Variants in LRBA observed in about 807,000 individuals in gnomAD.
LRBA encodes lipopolysaccharide-responsive and beige-like anchor protein.
Under a neutral mutation model 330.0 loss-of-function variants are expected in LRBA, and 176 were observed. The observed-to-expected ratio is 0.53, with a 90% CI of 0.47 to 0.60. The LOEUF (loss-of-function observed/expected upper bound fraction) is 0.60, where lower values mean the gene tolerates loss of function less well. Ranked by LOEUF, LRBA falls within the 20% of genes least tolerant of loss-of-function variation. The pLI, the probability that LRBA is intolerant of heterozygous loss-of-function variation, is 0.00. For synonymous variants in LRBA, 1,230 were observed against 1,193.0 expected (o/e 1.03, Z -0.64); for missense variants, 3,259 against 3,444.8 (o/e 0.95, Z 1.35).
chr4:150,597,126 G>C (rs773324651), intron 38 of LRBA: 1 of 1,357,160 alleles, frequency 7.4e-7, no homozygotes, highest in South Asian at 1.3e-5. Flanking sequence ...CTAAAACATA[G>C]ATAATTAACA....
intron 28 of LRBA, among the ~76,000 whole-genome samples, chr4:150,833,223 C>T (rs968119185): frequency 6.6e-6 from 1 of 152,098 alleles, no homozygotes; most frequent in African/African-American, 2.4e-5. Context: ...ACCTATATAT[C>T]ACTGACCTCT....
At chr4:150,733,150 A>C (rs1046769932) in intron 36 of LRBA, among the ~76,000 whole-genome samples, 7 of 152,018 alleles carry the variant, frequency 4.6e-5, no homozygotes, top group Non-Finnish European at 1.0e-4. Flanking sequence ...TTACATACTG[A>C]CTTGAGAAAA....
At chr4:150,397,018 A>T (rs1244697389) in intron 47 of LRBA, among the ~76,000 whole-genome samples, 1 of 152,172 alleles carries the variant, frequency 6.6e-6, no homozygotes, top group Non-Finnish European at 1.5e-5. Flanking sequence ...TTGAAAAGCA[A>T]CGGAAAGAGA....
chr4:150,717,604 G>A (rs888244312), intron 36 of LRBA, among the ~76,000 whole-genome samples: 2 of 150,698 alleles, frequency 1.3e-5, no homozygotes, highest in Admixed American at 1.3e-4. Context: ...AGTTTGCAGT[G>A]AGCCAAAATC....
intron 40 of LRBA, among the ~76,000 whole-genome samples, chr4:150,571,137 A>G (rs189003105): frequency 3.4e-4 from 52 of 152,190 alleles, no homozygotes; most frequent in Middle Eastern, 6.8e-3. Context: ...ACTGCTGATT[A>G]GGATTTTCTT....
At chr4:150,379,782 A>G (rs1741919355) in intron 47 of LRBA, among the ~76,000 whole-genome samples, 1 of 152,222 alleles carries the variant, frequency 6.6e-6, no homozygotes, top group Admixed American at 6.5e-5. Context: ...CACTATCCAC[A>G]TATCATGAAA....
intron 34 of LRBA, among the ~76,000 whole-genome samples, chr4:150,770,688 T>C (rs988938186): frequency 2.0e-5 from 3 of 152,010 alleles, no homozygotes; most frequent in Non-Finnish European, 4.4e-5. Flanking sequence ...GTGATCACAG[T>C]TGGTATCTAC....
chr4:150,715,526 A>C (rs941856454), intron 36 of LRBA, among the ~76,000 whole-genome samples: 1 of 152,258 alleles, frequency 6.6e-6, no homozygotes, highest in African/African-American at 2.4e-5. Context: ...TGAATAAGCC[A>C]ACAAAAGCAG....
At chr4:150,544,046 A>G (rs370081127) in intron 40 of LRBA, among the ~76,000 whole-genome samples, 16 of 152,066 alleles carry the variant, frequency 1.1e-4, no homozygotes, top group African/African-American at 3.6e-4. Context: ...AATAGTATCA[A>G]CTGGCATTTG....
chr4:150,449,395 C>T (rs971532833), intron 44 of LRBA, among the ~76,000 whole-genome samples: 14 of 151,724 alleles, frequency 9.2e-5, no homozygotes, highest in African/African-American at 1.7e-4. Flanking sequence ...TGAGAAAGTC[C>T]GTACCTGAGG....
chr4:150,971,412 C>G (rs1244379139), intron 2 of LRBA, among the ~76,000 whole-genome samples: 3 of 152,130 alleles, frequency 2.0e-5, no homozygotes, highest in African/African-American at 7.2e-5. Flanking sequence ...CTTCAGGGGT[C>G]TAGGCATTTT....
chr4:150,468,777 A>G (rs915158004), intron 43 of LRBA, among the ~76,000 whole-genome samples: 32 of 151,954 alleles, frequency 2.1e-4, no homozygotes, highest in African/African-American at 7.2e-4. Context: ...ACGTAGCTGA[A>G]TATTAAAGTA....
At chr4:150,347,887 G>A (rs1736609729) in intron 48 of LRBA, among the ~76,000 whole-genome samples, 1 of 152,124 alleles carries the variant, frequency 6.6e-6, no homozygotes, top group African/African-American at 2.4e-5. Flanking sequence ...GCTGAACTCA[G>A]AGTAAGAAAA....
At chr4:150,436,952 G>A (rs1370153290) in intron 44 of LRBA, 88 bp from the exon 45 acceptor site, 2 of 1,186,590 alleles carry the variant, frequency 1.7e-6, no homozygotes, top group Non-Finnish European at 2.4e-6. Context: ...CTACTGGTAA[G>A]TATAAAAGTG....
intron 29 of LRBA, among the ~76,000 whole-genome samples, chr4:150,829,526 T>A (rs1230408268): frequency 1.3e-5 from 2 of 152,190 alleles, no homozygotes; most frequent in Non-Finnish European, 1.5e-5. Flanking sequence ...AACAGCTGAT[T>A]ATTCCCTCCA....
Position 150,302,717 on chromosome 4 carries a change from C to T in LRBA, c.7925G>A (p.Gly2642Glu), listed in dbSNP as rs764223120. 3 of 1,612,710 alleles carry T rather than the reference C, an allele frequency of 1.9e-6. No individual in the cohort carries two copies. Among genetic ancestry groups the T allele is most frequent in the South Asian group, 2.2e-5 (2 of 90,888 alleles). ...TGACCCTGAGAGAATGTAGCAATTT[C>T]CCCCAATATATGACTCAGAACGAGC... ...CLARSESYIGGNCYILSGSRD... is the reference protein window; with the variant it reads ...CLARSESYIGENCYILSGSRD... Residue 2642 changes from glycine (G) to glutamate (E), a missense_variant, in exon 53 of 57, where the codon GGA becomes GAA. Physicochemically the swap from Gly to Glu is moderately conservative, Grantham distance 98 (BLOSUM62 -2). Transcript: ENST00000651943.
intron 35 of LRBA, among the ~76,000 whole-genome samples, chr4:150,754,627 A>G (rs1734043774): frequency 6.6e-6 from 1 of 151,986 alleles, no homozygotes; most frequent in Non-Finnish European, 1.5e-5. Context: ...TTTCCAAACA[A>G]CTGTTTACAA....
intron 36 of LRBA, among the ~76,000 whole-genome samples, chr4:150,696,340 C>T (rs1342554068): frequency 2.0e-5 from 3 of 152,072 alleles, no homozygotes; most frequent in Non-Finnish European, 2.9e-5. Context: ...TTAAGAGCAC[C>T]AACTCTAGAG....
chr4:150,592,208 C>T (rs1012268157), intron 38 of LRBA, among the ~76,000 whole-genome samples: 1 of 118,772 alleles, frequency 8.4e-6, no homozygotes, highest in Non-Finnish European at 1.7e-5. Context: ...AAGGCCCAAA[C>T]CCCAGAAAGA....
Sources: gnomAD v4.1 joint callset for allele counts (sites outside exome capture counted in the v4.1 genomes callset) on GRCh38, gnomAD v4.1.1 for gene constraint, MANE v1.5 for transcripts, NCBI Gene and HGNC (gene_info 2026-07-23, HGNC 2026-07-21) for gene names.